Variants in ZNF407 observed in about 807,000 individuals in gnomAD.
ZNF407 encodes the protein zinc finger protein 407.
A neutral mutation model predicts 131.2 loss-of-function variants in ZNF407; 17 were observed. The observed-to-expected ratio is 0.13, with a 90% CI of 0.09 to 0.19. The LOEUF is 0.19. ZNF407 is among the 10% of genes least tolerant of loss of function. ZNF407 has a pLI of 1.00. For missense variants in ZNF407, 2,681 were observed against 2,830.6 expected, an observed-to-expected ratio of 0.95 and a Z score of 1.20; for synonymous variants, 1,156 against 1,062.0, an observed-to-expected ratio of 1.09 and a Z score of -1.72.
chr18:74,877,098 C>A, intron 4 of ZNF407, 99 bp from the exon 5 acceptor site: 1 of 997,448 alleles, frequency 1.0e-6, no homozygotes, highest in South Asian at 1.4e-5. Flanking sequence ...GCAGAGGCTG[C>A]GTGTGCACCG....
intron 8 of ZNF407, among the ~76,000 whole-genome samples, chr18:75,046,978 CCTT>C (rs1354750685): frequency 6.6e-6 from 1 of 152,122 alleles, no homozygotes; most frequent in East Asian, 1.9e-4. Flanking sequence ...GGGAAGGAAA[CCTT>C]CTATATTAAT....
rs765366036 is a variant in ZNF407 at position 74,630,984 on chromosome 18, G to A, written c.-36G>A. On this transcript the variant is annotated 5_prime_UTR_variant, in exon 2 of 9. Coordinates refer to ENST00000299687, the MANE Select transcript of ZNF407 (RefSeq NM_017757.3). Reference sequence around the variant, plus strand: ...CTTCACAGGTTATGAGTGCCAGTGAGCCGCCTTAGATAGAAGCATCGTCAG... The same window carrying A: ...CTTCACAGGTTATGAGTGCCAGTGAACCGCCTTAGATAGAAGCATCGTCAG... 3 of 1,552,082 alleles carry A rather than the reference G, an allele frequency of 1.9e-6. No individual in the cohort carries two copies. The highest frequency in any genetic ancestry group is 2.5e-5 in the South Asian group (2 of 80,396).
chr18:74,791,924 T>C (rs1191995772), intron 4 of ZNF407, among the ~76,000 whole-genome samples: 1 of 152,184 alleles, frequency 6.6e-6, no homozygotes, highest in East Asian at 1.9e-4. Context: ...TGATGGACTT[T>C]TACTCAGCTG....
At chr18:74,670,367 T>A (rs1303794819) in intron 3 of ZNF407, among the ~76,000 whole-genome samples, 2 of 152,156 alleles carry the variant, frequency 1.3e-5, no homozygotes, top group Non-Finnish European at 2.9e-5. Flanking sequence ...GAGCACAAAA[T>A]TGGATGTCTG....
chr18:75,052,322 G>C (rs535978683), intron 8 of ZNF407, among the ~76,000 whole-genome samples: 2 of 152,210 alleles, frequency 1.3e-5, no homozygotes, highest in Admixed American at 1.3e-4. Context: ...GGAGTCGCGC[G>C]CTTATGCTAG....
intron 4 of ZNF407, among the ~76,000 whole-genome samples, chr18:74,809,910 G>A (rs1210846382): frequency 6.6e-6 from 1 of 152,180 alleles, no homozygotes; most frequent in Non-Finnish European, 1.5e-5. Context: ...AGAGCTGATG[G>A]CACTTGCTGA....
At chr18:74,866,799 T>G (rs1971017047) in intron 4 of ZNF407, among the ~76,000 whole-genome samples, 1 of 148,594 alleles carries the variant, frequency 6.7e-6, no homozygotes, top group Non-Finnish European at 1.5e-5. Context: ...TTTTATTCAT[T>G]ATATTATTTT....
chr18:74,624,823 T>A (rs763114874), intron 1 of ZNF407, among the ~76,000 whole-genome samples: 3 of 152,264 alleles, frequency 2.0e-5, no homozygotes, highest in Non-Finnish European at 4.4e-5. Flanking sequence ...TAACTGTTCC[T>A]ACTTGCCCCC....
rs567701613 is a variant in ZNF407, at chr18:74,632,302, G to A, written c.1283G>A (p.Arg428His). The A allele has an allele frequency of 8.6e-5, 139 of 1,613,952 alleles. 1 individual carries two copies. The South Asian group carries it at 1.3e-3, about 15-fold the overall frequency. Residue 428 changes from arginine (R) to histidine (H), a missense_variant, in exon 2 of 9, where the codon CGT (arginine) becomes CAT (histidine). Arg to His is a conservative substitution (Grantham distance 29, BLOSUM62 0). Coordinates refer to ENST00000299687, the MANE Select transcript of ZNF407 (RefSeq NM_017757.3). ...RNILVLGNSFRRRSSTFTLKG... is the reference protein window; with the variant it reads ...RNILVLGNSFHRRSSTFTLKG... The stretch of plus-strand genomic sequence containing the variant: ...ATTCTCGTGTTGGGTAATAGCTTTC[G>A]TCGACGAAGCAGCACTTTCACCTTG...
intron 7 of ZNF407, among the ~76,000 whole-genome samples, chr18:74,916,651 T>TCAC (rs1568268478): frequency 4.3e-5 from 5 of 116,072 alleles, no homozygotes; most frequent in Non-Finnish European, 7.2e-5. Context: ...TGTGTGTGTG[T>TCAC]GCATGTGTGT....
intron 7 of ZNF407, among the ~76,000 whole-genome samples, chr18:74,893,658 C>A (rs1244674805): frequency 1.3e-5 from 2 of 152,090 alleles, no homozygotes; most frequent in Admixed American, 1.3e-4. Context: ...ATATCTGCCT[C>A]ACATAAATGT....
intron 8 of ZNF407, among the ~76,000 whole-genome samples, chr18:74,960,679 G>A (rs1327884598): frequency 5.6e-5 from 8 of 143,888 alleles, no homozygotes; most frequent in African/African-American, 1.3e-4. Flanking sequence ...GATAGGAGAA[G>A]GTCCTGAGTC....
At chr18:74,870,695 AT>A (rs1971074376) in intron 4 of ZNF407, among the ~76,000 whole-genome samples, 1 of 152,190 alleles carries the variant, frequency 6.6e-6, no homozygotes, top group Non-Finnish European at 1.5e-5. Flanking sequence ...ACACACACAA[AT>A]GTTTAGAAGG....
At chr18:75,060,004 G>A (rs1196375187) in intron 8 of ZNF407, among the ~76,000 whole-genome samples, 1 of 152,184 alleles carries the variant, frequency 6.6e-6, no homozygotes, top group Non-Finnish European at 1.5e-5. Flanking sequence ...CACGTGCCCA[G>A]GCAGACCCTT....
chr18:74,889,988 A>G lies in ZNF407; in HGVS notation c.5199A>G (p.Lys1733=), dbSNP rs968589398. Residue 1733 remains lysine, a synonymous_variant, in exon 7 of 9, where the codon AAA becomes AAG. Coordinates refer to ENST00000299687, the MANE Select transcript of ZNF407 (RefSeq NM_017757.3). ...CTCAGTCCCATTTGACTCGGCATAAACGTGTCCACACTGGAGAAAAGCCCT... is the reference window on the plus strand; with the variant it reads ...CTCAGTCCCATTTGACTCGGCATAAGCGTGTCCACACTGGAGAAAAGCCCT... ...STTQSHLTRH[K]RVHTGEKPYR... The G allele has an allele frequency of 6.2e-7, 1 of 1,606,180 alleles. No homozygotes were observed. The highest frequency in any genetic ancestry group is 1.3e-5 in the African/African-American group (1 of 74,788).
At chr18:75,032,692 G>C (rs187634647) in intron 8 of ZNF407, among the ~76,000 whole-genome samples, 2 of 150,818 alleles carry the variant, frequency 1.3e-5, no homozygotes, top group African/African-American at 4.9e-5. Context: ...TGCTCAGAAT[G>C]GGGGGAAGAT....
At chr18:74,890,109 A>G in intron 7 of ZNF407, 71 bp downstream of exon 7, 4 of 1,359,576 alleles carry the variant, frequency 2.9e-6, no homozygotes, top group Non-Finnish European at 3.8e-6. Flanking sequence ...TTAAATCCCA[A>G]TTAGAAGTGT....
intron 8 of ZNF407, among the ~76,000 whole-genome samples, chr18:75,026,914 G>T (rs1450303861): frequency 1.3e-5 from 2 of 152,186 alleles, no homozygotes; most frequent in Admixed American, 1.3e-4. Context: ...GTCAGTCCCT[G>T]TGTGAAGTAC....
chr18:74,994,772 A>T (rs1972760560), intron 8 of ZNF407, among the ~76,000 whole-genome samples: 1 of 152,196 alleles, frequency 6.6e-6, no homozygotes, highest in South Asian at 2.1e-4. Flanking sequence ...AGATGATGGA[A>T]AGGGCCGGGG....
Sources: allele counts gnomAD v4.1 joint callset (sites outside exome capture counted in the v4.1 genomes callset), GRCh38; gene constraint gnomAD v4.1.1; transcripts MANE v1.5; gene names NCBI Gene and HGNC (gene_info 2026-07-23, HGNC 2026-07-21).